ZNF525: variants seen among roughly 807,000 people sequenced by gnomAD.
The protein encoded by ZNF525 is zinc finger protein 525.
ZNF525 carries 33 observed loss-of-function variants against 37.6 expected under a neutral mutation model. The observed-to-expected ratio is 0.88, with a 90% CI of 0.67 to 1.17. The LOEUF (loss-of-function observed/expected upper bound fraction) is 1.17. Among genes scored for constraint, ZNF525 ranks in the 50% most tolerant of loss-of-function variants. The pLI, the probability that ZNF525 is intolerant of heterozygous loss-of-function variation, is 0.00. For missense variants in ZNF525, 449 were observed against 543.1 expected, an observed-to-expected ratio of 0.83 and a Z score of 1.72; for synonymous variants, 170 against 182.3, an observed-to-expected ratio of 0.93 and a Z score of 0.54.
At chr19:53,368,744 A>G (rs2085465173) in intron 1 of ZNF525, among the ~76,000 whole-genome samples, 1 of 152,124 alleles carries the variant, frequency 6.6e-6, no homozygotes, top group African/African-American at 2.4e-5. Flanking sequence ...TTTTGATAAC[A>G]TATAGGTAGG....
chr19:53,374,704 A>T (rs1303326009), intron 2 of ZNF525, among the ~76,000 whole-genome samples: 2 of 152,344 alleles, frequency 1.3e-5, no homozygotes, highest in Non-Finnish European at 2.9e-5. Flanking sequence ...ATACGTATAG[A>T]CACACACAAA....
In ZNF525 at chr19:53,384,925, GTTC is replaced by G. The variant is rs780917650; in HGVS notation, c.*2909_*2911del. Reference sequence around the variant, plus strand: ...TTTACTCATTTGTCATTTCATGGATGTTCTTTCTATTGTTGAGGTAAATTTCCT... The same window carrying G: ...TTTACTCATTTGTCATTTCATGGATGTTTCTATTGTTGAGGTAAATTTCCT... On this transcript the variant is annotated 3_prime_UTR_variant, in exon 4 of 4. Transcript: ENST00000474037. 2 of 699,822 alleles carry G rather than the reference GTTC, an allele frequency of 2.9e-6. No homozygotes were observed. Among genetic ancestry groups the G allele is most frequent in the Non-Finnish European group, 5.2e-6 (2 of 384,040 alleles). The allele number at this position is 699,822 out of a possible 1,614,324, so 43.4% of individuals were successfully genotyped here.
Position 53,383,383 on chromosome 19 carries a change from C to T in ZNF525, c.*1364C>T. The T allele has an allele frequency of 8.7e-7, 1 of 1,153,776 alleles. No individual in the cohort carries two copies. Among genetic ancestry groups the T allele is most frequent in the Non-Finnish European group, 1.2e-6 (1 of 801,224 alleles). 71.5% of individuals were successfully genotyped at this position (1,153,776 alleles called of 1,614,324 possible). On this transcript the variant is annotated 3_prime_UTR_variant, in exon 4 of 4. Coordinates refer to ENST00000474037, the MANE Select transcript of ZNF525 (RefSeq NM_001348156.2). ...GTTGCACGTCATCATAGAATTCATA[C>T]TGGAGAGAAACCTTAGAAATGTGAA... is the stretch of plus-strand genomic sequence containing the variant.
chr19:53,381,579 A>G lies in ZNF525; in HGVS notation c.1000A>G (p.Lys334Glu). 1.7e-6 allele frequency: 2 copies of G among 1,152,834 alleles called. No homozygotes were observed. The highest frequency in any genetic ancestry group is 1.5e-5 in the African/African-American group (1 of 66,436). The allele number at this position is 1,152,834 out of a possible 1,614,324, so 71.4% of individuals were successfully genotyped here. Reference protein sequence around the residue: ...EKPHKCNECGKTFSQKSYLAC... With the variant: ...EKPHKCNECGETFSQKSYLAC... ...ACCACATAAGTGTAATGAGTGTGGC[A>G]AGACCTTTAGTCAGAAGTCATACCT... Residue 334 changes from lysine (K) to glutamate (E), a missense_variant, in exon 4 of 4, where the codon AAG becomes GAG. Lys to Glu is a moderately conservative substitution (Grantham distance 56). Around this residue, in one of 2 missense-constraint regions of ZNF525, gnomAD observed 178 missense variants for 161.5 expected, o/e 1.10. Transcript: ENST00000474037.
chr19:53,376,596 A>C (rs1465805479), intron 3 of ZNF525, among the ~76,000 whole-genome samples: 1 of 151,778 alleles, frequency 6.6e-6, no homozygotes, highest in Non-Finnish European at 1.5e-5. Context: ...TTGTTTGTTT[A>C]TGATGGAGTC....
chr19:53,383,111 C>T lies in ZNF525; in HGVS notation c.*1092C>T. 7.5e-7 allele frequency: 1 copy of T among 1,325,042 alleles called. No individual in the cohort carries two copies. Among genetic ancestry groups the T allele is most frequent in the Non-Finnish European group, 1.1e-6 (1 of 935,538 alleles). 82.1% of individuals were successfully genotyped at this position (1,325,042 alleles called of 1,614,324 possible). On this transcript the variant is annotated 3_prime_UTR_variant, in exon 4 of 4. Coordinates refer to ENST00000474037, the MANE Select transcript of ZNF525 (RefSeq NM_001348156.2). ...CGAGGTTTTTAATCAACAAGCACAC[C>T]TTGCACGTCATCATAGAACTCATAC...
intron 1 of ZNF525, among the ~76,000 whole-genome samples, chr19:53,367,443 A>C (rs1249518886): frequency 6.6e-6 from 1 of 152,092 alleles, no homozygotes; most frequent in African/African-American, 2.4e-5. Flanking sequence ...GCACAGGCTG[A>C]TATTTATACA....
In ZNF525 at chr19:53,382,132, G is replaced by A. The variant is rs568745538; in HGVS notation, c.*113G>A. The A allele has an allele frequency of 9.2e-5, 146 of 1,580,666 alleles. No individual in the cohort carries two copies. In the Admixed American group the frequency reaches 1.0e-3, roughly 11 times the overall value. ...ATTGTATACCATCATAAATTTCATA[G>A]TGGAGAGAAACCTTACAAATGTGAA... On this transcript the variant is annotated 3_prime_UTR_variant, in exon 4 of 4. Transcript: ENST00000474037.
At chr19:53,368,128 T>A (rs1033200691) in intron 1 of ZNF525, among the ~76,000 whole-genome samples, 1 of 152,194 alleles carries the variant, frequency 6.6e-6, no homozygotes, top group African/African-American at 2.4e-5. Context: ...AAAGATGGTC[T>A]GATTGTTTCA....
At position 53,382,901 on chromosome 19, in the gene ZNF525, AAG is replaced by A; in HGVS notation, c.*883_*884del. ...AATTCATACTAGAGAGAAACCTTAC[AAG>A]TGTAATGAGTGTGGTAAGATGTTCA... On this transcript the variant is annotated 3_prime_UTR_variant, in exon 4 of 4. Transcript: ENST00000474037. The A allele has an allele frequency of 2.1e-6, 3 of 1,436,530 alleles. No homozygotes were observed. Among genetic ancestry groups the A allele is most frequent in the Admixed American group, 3.4e-5 (2 of 58,414 alleles). 89.0% of individuals were successfully genotyped at this position (1,436,530 alleles called of 1,614,324 possible).
chr19:53,375,984 G>A, intron 3 of ZNF525, 88 bp downstream of exon 3: 1 of 1,580,572 alleles, frequency 6.3e-7, no homozygotes, highest in Admixed American at 1.7e-5. Flanking sequence ...CTCTCTCTCT[G>A]TCCCCAAGGG....
intron 3 of ZNF525, 41 bp downstream of exon 3, chr19:53,375,937 C>A (rs753736546): frequency 3.1e-6 from 5 of 1,611,620 alleles, no homozygotes; most frequent in Non-Finnish European, 4.2e-6. Context: ...TGTGTCCTTT[C>A]GTATCTTTGT....
In ZNF525 at chr19:53,372,313, A is replaced by G. The variant is rs770654436; in HGVS notation, c.15+17A>G. 1 of 787,204 alleles carries G rather than the reference A, an allele frequency of 1.3e-6. No homozygotes were observed. Among genetic ancestry groups the G allele is most frequent in the South Asian group, 1.4e-5 (1 of 71,980 alleles). The allele number at this position is 787,204 out of a possible 1,614,324, so 48.8% of individuals were successfully genotyped here. Reference sequence around the variant, plus strand: ...CTTCCTCAGGTGAGACGATATTCTCAGTGGATTGTTCTGTCTCCTTCCTTT... The same window carrying G: ...CTTCCTCAGGTGAGACGATATTCTCGGTGGATTGTTCTGTCTCCTTCCTTT... On this transcript the variant is annotated intron_variant, in intron 2 of 3. Coordinates refer to ENST00000474037, the MANE Select transcript of ZNF525 (RefSeq NM_001348156.2).
In ZNF525 at chr19:53,383,713, C is replaced by T. The variant is rs1191257332; in HGVS notation, c.*1694C>T. The T allele has an allele frequency of 1.7e-5, 11 of 645,974 alleles. No individual in the cohort carries two copies. The highest frequency in any genetic ancestry group is 2.9e-5 in the Non-Finnish European group (11 of 374,668). 40.0% of individuals were successfully genotyped at this position (645,974 alleles called of 1,614,324 possible). A position where few individuals can be genotyped will look rare whatever the true frequency, so the allele number is the denominator to read the frequency against. On this transcript the variant is annotated 3_prime_UTR_variant, in exon 4 of 4. Coordinates refer to ENST00000474037, the MANE Select transcript of ZNF525 (RefSeq NM_001348156.2). ...CAACCATTGTAAATCACTGGAGAAG[C>T]CATAATGAAGAGAGATCTTACAAAT...
chr19:53,382,347 T>C lies in ZNF525; in HGVS notation c.*328T>C. ...TGAAGAATGTGATGAAACTTTCAGA[T>C]ACAAATCAAATCTTGAAAGACATAG... On this transcript the variant is annotated 3_prime_UTR_variant, in exon 4 of 4. Coordinates refer to ENST00000474037, the MANE Select transcript of ZNF525 (RefSeq NM_001348156.2). The C allele has an allele frequency of 1.6e-6, 2 of 1,261,108 alleles. No homozygotes were observed. Among genetic ancestry groups the C allele is most frequent in the East Asian group, 2.3e-5 (1 of 42,706 alleles). The allele number at this position is 1,261,108 out of a possible 1,614,324, so 78.1% of individuals were successfully genotyped here.
Position 53,384,367 on chromosome 19 carries a change from G to T in ZNF525, c.*2348G>T, listed in dbSNP as rs1453522196. On this transcript the variant is annotated 3_prime_UTR_variant, in exon 4 of 4. Transcript: ENST00000474037. ...CAAAAACTGATAGGGATTTTTATGG[G>T]TATCGTATTGAATCTAGATTACATT... 5.9e-6 allele frequency: 1 copy of T among 169,432 alleles called. No individual in the cohort carries two copies. 10.5% of individuals were successfully genotyped at this position (169,432 alleles called of 1,614,324 possible). A position where few individuals can be genotyped will look rare whatever the true frequency, so the allele number is the denominator to read the frequency against.
chr19:53,375,886 G>A lies in ZNF525; in HGVS notation c.132G>A (p.Leu44=), dbSNP rs567973557. The change falls in exon 3 of 4, where the codon CTG becomes CTA. Residue 44 remains leucine, a synonymous_variant. Transcript: ENST00000474037. ...TGATGCTGGAGAATTATAGGAACCT[G>A]GTCTCCCTGGGTGAGGATAACTTCC... ...RDVMLENYRN[L]VSLGISSKCT... is the part of the protein sequence containing the mutation. 1 of 1,613,684 alleles carries A rather than the reference G, an allele frequency of 6.2e-7. No homozygotes were observed. The highest frequency in any genetic ancestry group is 8.5e-7 in the Non-Finnish European group (1 of 1,179,856).
chr19:53,374,380 G>T (rs2085507692), intron 2 of ZNF525, among the ~76,000 whole-genome samples: 1 of 152,202 alleles, frequency 6.6e-6, no homozygotes, highest in South Asian at 2.1e-4. Flanking sequence ...TTGGAAATTA[G>T]CTGAATGACA....
rs534651772 is a variant in ZNF525 at position 53,383,626 on chromosome 19, A to C, written c.*1607A>C. 1.7e-5 allele frequency: 21 copies of C among 1,269,260 alleles called. No individual in the cohort carries two copies. The African/African-American group carries it at 3.1e-4, about 19-fold the overall frequency. The allele number at this position is 1,269,260 out of a possible 1,614,324, so 78.6% of individuals were successfully genotyped here. A position where few individuals can be genotyped will look rare whatever the true frequency, so the allele number is the denominator to read the frequency against. ...AGTCAACACTTATTCACCATCAGGC[A>C]ATCCGTAGTGTAGGGAAACTTGACT... On this transcript the variant is annotated 3_prime_UTR_variant, in exon 4 of 4. Transcript: ENST00000474037.
Sources: gnomAD v4.1 joint callset for allele counts (sites outside exome capture counted in the v4.1 genomes callset) on GRCh38, gnomAD v4.1.1 for gene constraint, gnomAD v4.1.1 regional missense constraint, MANE v1.5 for transcripts, NCBI Gene and HGNC (gene_info 2026-07-23, HGNC 2026-07-21) for gene names.